Variants in NCL observed in about 807,000 individuals in gnomAD.
The protein encoded by NCL is nucleolin multifunctional protein.
NCL carries 4 observed loss-of-function variants against 77.7 expected under a neutral mutation model. That is an observed-to-expected ratio of 0.05 (90% CI 0.03 to 0.12). The LOEUF is 0.12. NCL is among the 10% of genes least tolerant of loss of function. NCL has a pLI of 1.00. For missense variants in NCL, 763 were observed against 860.9 expected (o/e 0.89, Z 1.42); for synonymous variants, 344 against 297.8 (o/e 1.16, Z -1.60).
intron 12 of NCL, 175 bp from the exon 13 acceptor site, chr2:231,455,799 A>G (rs1290155381): frequency 1.8e-6 from 2 of 1,137,544 alleles, no homozygotes; most frequent in Admixed American, 1.7e-5. Flanking sequence ...CTTGAACCCC[A>G]GAATGTCTCA....
intron 12 of NCL, 160 bp from the exon 13 acceptor site, chr2:231,455,784 G>A (rs1475945066): frequency 9.6e-6 from 11 of 1,143,876 alleles, no homozygotes; most frequent in Non-Finnish European, 1.4e-5. Flanking sequence ...TAACTGGTGT[G>A]ACAGCTTGAA....
At position 231,457,504 on chromosome 2, in the gene NCL, C is replaced by T. The variant is rs949343531; in HGVS notation, c.1447+139G>A. ...ATTACTATTCCAAATAAGAGTATGA[C>T]TTGGGGTATCATGTCCTTGATCTTC... On this transcript the variant is annotated intron_variant, in intron 9 of 13. Transcript: ENST00000322723. The T allele has an allele frequency of 1.6e-5, 14 of 882,474 alleles. No individual in the cohort carries two copies. The Admixed American group carries it at 2.9e-4, about 18-fold the overall frequency. The allele number at this position is 882,474 out of a possible 1,614,324, so 54.7% of individuals were successfully genotyped here.
In NCL at chr2:231,460,786, C is replaced by A; in HGVS notation, c.694G>T (p.Val232Leu). The change falls in exon 4 of 14, where the codon GTG becomes TTG. Residue 232 changes from valine (V) to leucine (L), a missense_variant. Physicochemically the swap from Val to Leu is conservative, Grantham distance 32. This residue lies in a region of NCL where 590 missense variants were observed against 570.5 expected (regional missense o/e 1.03). Coordinates refer to ENST00000322723, the MANE Select transcript of NCL (RefSeq NM_005381.3). The stretch of plus-strand genomic sequence containing the variant: ...TCTTCTTCATCTTCATCCTCAGCCA[C>A]GTTCTTGGCTTTCACAGGAACAACT... ...AKVVPVKAKN[V>L]AEDEDEEEDD... 1 of 1,614,126 alleles carries A rather than the reference C, an allele frequency of 6.2e-7. No homozygotes were observed. Among genetic ancestry groups the A allele is most frequent in the Non-Finnish European group, 8.5e-7 (1 of 1,179,982 alleles).
At position 231,460,253 on chromosome 2, in the gene NCL, G is replaced by C. The variant is rs761525210; in HGVS notation, c.939C>G (p.Asn313Lys). 2 of 1,614,030 alleles carry C rather than the reference G, an allele frequency of 1.2e-6. No homozygotes were observed. The highest frequency in any genetic ancestry group is 3.3e-5 in the Admixed American group (2 of 60,004). ...PTTAFNLFVGNLNFNKSAPEL... is the reference protein window; with the variant it reads ...PTTAFNLFVGKLNFNKSAPEL... ...CAGGAGCAGATTTGTTAAAGTTTAG[G>C]TTTCCAACAAAGAGATTGAAAGCCG... The change falls in exon 6 of 14, where the codon AAC becomes AAG. Residue 313 changes from asparagine to lysine, a missense_variant. Coordinates refer to ENST00000322723, the MANE Select transcript of NCL (RefSeq NM_005381.3).
intron 7 of NCL, 142 bp from the exon 8 acceptor site, chr2:231,458,531 A>AG: frequency 9.6e-7 from 1 of 1,040,504 alleles, no homozygotes; most frequent in South Asian, 1.7e-5. Context: ...GGTGCTAAAT[A>AG]TGGAGATATA....
chr2:231,461,068 CA>C (rs985439211), intron 3 of NCL, among the ~76,000 whole-genome samples: 1 of 152,052 alleles, frequency 6.6e-6, no homozygotes, highest in African/African-American at 2.4e-5. Flanking sequence ...CACCTGAGGT[CA>C]AAAGTTCGAG....
At position 231,455,077 on chromosome 2, in the gene NCL, A is replaced by C. The variant is rs2125632441; in HGVS notation, c.*114T>G. On this transcript the variant is annotated 3_prime_UTR_variant, in exon 14 of 14. Coordinates refer to ENST00000322723, the MANE Select transcript of NCL (RefSeq NM_005381.3). The stretch of plus-strand genomic sequence containing the variant: ...CTAGACGGATTTCCAAGGAGACCAC[A>C]GGACTGTATACTGTCTTGGAATGTC... The C allele has an allele frequency of 1.7e-6, 2 of 1,153,996 alleles. No individual in the cohort carries two copies. The highest frequency in any genetic ancestry group is 2.7e-5 in the South Asian group (2 of 75,218). The allele number at this position is 1,153,996 out of a possible 1,614,324, so 71.5% of individuals were successfully genotyped here.
Position 231,453,843 on chromosome 2 carries a change from T to G in NCL, c.*1348A>C, listed in dbSNP as rs1475226004. 6.6e-6 allele frequency: 1 copy of G among 152,224 alleles called. No individual in the cohort carries two copies. Among genetic ancestry groups the G allele is most frequent in the African/African-American group, 2.4e-5 (1 of 41,462 alleles). The allele number at this position is 152,224 out of a possible 1,614,324, so 9.4% of individuals were successfully genotyped here. ...GTATTCTTCACGTTTCCTTCTAAGCTTATCCAAGTATCACAGTTTGATTTC... is the reference window on the plus strand; with the variant it reads ...GTATTCTTCACGTTTCCTTCTAAGCGTATCCAAGTATCACAGTTTGATTTC... On this transcript the variant is annotated 3_prime_UTR_variant, in exon 14 of 14. Transcript: ENST00000322723.
Position 231,458,311 on chromosome 2 carries a change from T to C in NCL, c.1244A>G (p.Asp415Gly). 6.2e-7 allele frequency: 1 copy of C among 1,614,114 alleles called. No individual in the cohort carries two copies. ...GCTGACTAATCTGATCTCCGCAGCA[T>C]CTTCAAACACTTCTTTCAATTCATC... ...TQDELKEVFE[D>G]AAEIRLVSKD... is the part of the protein sequence containing the mutation. Residue 415 changes from aspartate (D) to glycine (G), a missense_variant, in exon 8 of 14, where the codon GAT becomes GGT. Transcript: ENST00000322723.
At chr2:231,458,114 C>G in intron 8 of NCL, 152 bp downstream of exon 8, 2 of 989,968 alleles carry the variant, frequency 2.0e-6, no homozygotes, top group Non-Finnish European at 2.9e-6. Flanking sequence ...GTACATTATC[C>G]CCATGGTACA....
intron 6 of NCL, 33 bp downstream of exon 6, chr2:231,460,119 C>A: frequency 6.3e-7 from 1 of 1,588,204 alleles, no homozygotes; most frequent in Admixed American, 1.8e-5. Context: ...ATTAACAGAC[C>A]CACGTGTATG....
Position 231,461,580 on chromosome 2 carries a change from ATCCTCATCG to A in NCL, c.564_572del (p.Glu196_Asp198del), listed in dbSNP as rs749839188. The A allele has an allele frequency of 5.0e-6, 8 of 1,612,508 alleles. No individual in the cohort carries two copies. In the South Asian group the frequency reaches 5.5e-5, roughly 11 times the overall value. On this transcript the variant is annotated inframe_deletion, in exon 3 of 14. Transcript: ENST00000322723. ...CATCGTCATCCTCATCATCTTCGTC[ATCCTCATCG>A]TCCTCATCCTCTGAGGCAGGGGCAG...
rs1491400402 is a variant in NCL at position 231,454,879 on chromosome 2, AAG to A, written c.*310_*311del. 5 of 245,504 alleles carry A rather than the reference AAG, an allele frequency of 2.0e-5. No individual in the cohort carries two copies. The highest frequency in any genetic ancestry group is 2.8e-4 in the South Asian group (2 of 7,098). The allele number at this position is 245,504 out of a possible 1,614,324, so 15.2% of individuals were successfully genotyped here. A position where few individuals can be genotyped will look rare whatever the true frequency, so the allele number is the denominator to read the frequency against. Reference sequence around the variant, plus strand: ...AAAAAAACAAAAACAAAACAAAAAAAAGAAACAACAACAAAACCCAAACTATT... The same window carrying A: ...AAAAAAACAAAAACAAAACAAAAAAAAAACAACAACAAAACCCAAACTATT... On this transcript the variant is annotated 3_prime_UTR_variant, in exon 14 of 14. Transcript: ENST00000322723.
At chr2:231,456,849 C>G in intron 10 of NCL, 85 bp from the exon 11 acceptor site, 1 of 1,571,330 alleles carries the variant, frequency 6.4e-7, no homozygotes, top group South Asian at 1.2e-5. Context: ...CCCCTTCTCT[C>G]AAGTTGGTAC....
At position 231,461,697 on chromosome 2, in the gene NCL, G is replaced by A. The variant is rs1008962346; in HGVS notation, c.456C>T (p.Asp152=). The A allele has an allele frequency of 8.7e-6, 14 of 1,613,588 alleles. No individual in the cohort carries two copies. The Admixed American group carries it at 1.0e-4, about 12-fold the overall frequency. ...CGTCATCCTCCTCATCCTCCTCACT[G>A]TCATCATCCTCCTCTTCATCACTGT... The part of the protein sequence containing the change: ...KEDSDEEEDD[D]SEEDEEDDED... The change falls in exon 3 of 14, where the codon GAC becomes GAT. Residue 152 remains aspartate, a synonymous_variant. Coordinates refer to ENST00000322723, the MANE Select transcript of NCL (RefSeq NM_005381.3).
chr2:231,464,072 C>G (rs2046977381), intron 1 of NCL: 2 of 1,328,098 alleles, frequency 1.5e-6, no homozygotes, highest in East Asian at 5.8e-5. Flanking sequence ...ATCTCTCCAC[C>G]CCGAGGCCCA....
Position 231,460,763 on chromosome 2 carries a change from TTCTTCA to T in NCL, c.711_716del (p.Asp237_Glu238del). On this transcript the variant is annotated inframe_deletion, in exon 4 of 14. Coordinates refer to ENST00000322723, the MANE Select transcript of NCL (RefSeq NM_005381.3). ...CGTCATCCTCGTCCTCATCATCCTC[TTCTTCA>T]TCTTCATCCTCAGCCACGTTCTTGG... The T allele has an allele frequency of 1.9e-6, 3 of 1,613,598 alleles. No homozygotes were observed. The highest frequency in any genetic ancestry group is 2.5e-6 in the Non-Finnish European group (3 of 1,179,518).
In NCL at chr2:231,464,182, C is replaced by T; in HGVS notation, c.18+154G>A. ...CACCTCGCCACCAAGTAGCCAGAAGCCGCGAGACCTCCCCACTAATCGCGC... is the reference window on the plus strand; with the variant it reads ...CACCTCGCCACCAAGTAGCCAGAAGTCGCGAGACCTCCCCACTAATCGCGC... On this transcript the variant is annotated intron_variant, in intron 1 of 13. Transcript: ENST00000322723. 4 of 1,438,480 alleles carry T rather than the reference C, an allele frequency of 2.8e-6. No homozygotes were observed. The South Asian group carries it at 5.5e-5, about 20-fold the overall frequency. 89.1% of individuals were successfully genotyped at this position (1,438,480 alleles called of 1,614,324 possible).
At chr2:231,459,693 G>C (rs552236100) in intron 6 of NCL, among the ~76,000 whole-genome samples, 1 of 152,182 alleles carries the variant, frequency 6.6e-6, no homozygotes, top group South Asian at 2.1e-4. Context: ...GATCACTTGA[G>C]GTCAGGAGTT....
Sources: allele counts gnomAD v4.1 joint callset (sites outside exome capture counted in the v4.1 genomes callset), GRCh38; gene constraint gnomAD v4.1.1; regional missense constraint gnomAD v4.1.1; transcripts MANE v1.5; gene names NCBI Gene and HGNC (gene_info 2026-07-23, HGNC 2026-07-21).